The following ASS1 variants were observed in gnomAD, a reference collection of about 807,000 sequenced individuals.
ASS1 encodes argininosuccinate synthase.
In ASS1, 58 loss-of-function variants were observed where a neutral mutation model predicts 60.5. That is an observed-to-expected ratio of 0.96 (90% CI 0.78 to 1.19). The LOEUF is 1.19. Among genes scored for constraint, ASS1 ranks in the 50% most tolerant of loss-of-function variants. The pLI is 0.00. For synonymous variants in ASS1, 200 were observed against 206.9 expected, an observed-to-expected ratio of 0.97 and a Z score of 0.29; for missense variants, 454 against 547.3, an observed-to-expected ratio of 0.83 and a Z score of 1.70.
chr9:130,463,554 T>C (rs1442131662), intron 4 of ASS1, among the ~76,000 whole-genome samples: 1 of 152,152 alleles, frequency 6.6e-6, no homozygotes, highest in Non-Finnish European at 1.5e-5. Context: ...AGTTTCCCTC[T>C]CTGTGCAGAG....
intron 11 of ASS1, among the ~76,000 whole-genome samples, chr9:130,487,395 T>C (rs1264071571): frequency 1.7e-5 from 2 of 116,540 alleles, no homozygotes; most frequent in Admixed American, 2.2e-4. Flanking sequence ...CCAATATCCT[T>C]CATGGTTTTT....
At chr9:130,468,058 G>A (rs1413933564) in intron 6 of ASS1, among the ~76,000 whole-genome samples, 1 of 152,160 alleles carries the variant, frequency 6.6e-6, no homozygotes, top group Non-Finnish European at 1.5e-5. Context: ...GGCCCCCTCG[G>A]CCACCTACCC....
In ASS1 at chr9:130,494,926, C is replaced by T. The variant is rs786204537; in HGVS notation, c.1030C>T (p.Arg344Ter). The change falls in exon 13 of 15, where the codon CGA (arginine) becomes TGA (stop). Residue 344 changes from arginine (R) to a stop codon, truncating the protein, a stop_gained. Coordinates refer to ENST00000352480, the MANE Select transcript of ASS1 (RefSeq NM_054012.4). LOFTEE classifies it high-confidence loss of function. The surrounding 1 kb of genome is among the most constrained non-coding windows in gnomAD (Gnocchi z 4.3). ...CCACTGCATCGCCAAGTCCCAGGAG[C>T]GAGTGGAAGGGAAAGTGCAGGTGTC... ...VRHCIAKSQE[R>*]VEGKVQVSVL... 1.1e-5 allele frequency: 18 copies of T among 1,613,394 alleles called. No individual in the cohort carries two copies. The highest frequency in any genetic ancestry group is 3.3e-5 in the Admixed American group (2 of 59,988).
chr9:130,475,325 C>T (rs1367957782), intron 8 of ASS1, among the ~76,000 whole-genome samples: 1 of 152,154 alleles, frequency 6.6e-6, no homozygotes. Flanking sequence ...TGACATTTTC[C>T]TGTGTGTTTT....
In ASS1 at chr9:130,467,943, C is replaced by T. The variant is rs750118520; in HGVS notation, c.495+1144C>T. Among the ~76,000 whole-genome samples, 40 of 152,184 alleles carry T rather than the reference C, an allele frequency of 2.6e-4. 1 individual carries two copies. The highest frequency in any genetic ancestry group is 8.8e-5 in the Non-Finnish European group (6 of 68,040). On this transcript the variant is annotated intron_variant, in intron 6 of 14. Transcript: ENST00000352480. Reference sequence around the variant, plus strand: ...CTAGCATAGATGAGTCTCAGGAGCACACTGCTGTCCTTCCTTCTCAGGTTT... The same window carrying T: ...CTAGCATAGATGAGTCTCAGGAGCATACTGCTGTCCTTCCTTCTCAGGTTT...
At chr9:130,445,668 T>C (rs1845178706) in intron 1 of ASS1, among the ~76,000 whole-genome samples, 1 of 152,136 alleles carries the variant, frequency 6.6e-6, no homozygotes, top group South Asian at 2.1e-4. Context: ...TATTTTCTAT[T>C]CGGGCTGCTG....
intron 1 of ASS1, among the ~76,000 whole-genome samples, chr9:130,451,400 G>T (rs1845322637): frequency 6.6e-6 from 1 of 152,056 alleles, no homozygotes; most frequent in African/African-American, 2.4e-5. Context: ...CCCTCCCTGG[G>T]CCTCAGTTTC....
intron 8 of ASS1, among the ~76,000 whole-genome samples, chr9:130,474,066 C>A (rs1274490330): frequency 1.5e-4 from 17 of 112,756 alleles, no homozygotes; most frequent in African/African-American, 5.9e-4. Flanking sequence ...CCCCGCACCC[C>A]CCCCCCCCCA....
At chr9:130,462,209 C>T (rs1845614688) in intron 4 of ASS1, among the ~76,000 whole-genome samples, 1 of 152,100 alleles carries the variant, frequency 6.6e-6, no homozygotes, top group Non-Finnish European at 1.5e-5. Context: ...AGCCGGGGAG[C>T]GAGAGTTTTG....
intron 4 of ASS1, among the ~76,000 whole-genome samples, chr9:130,463,465 T>A (rs977236759): frequency 6.6e-6 from 1 of 152,166 alleles, no homozygotes; most frequent in African/African-American, 2.4e-5. Flanking sequence ...GTGGCTGTGG[T>A]GCTGGGGACC....
chr9:130,486,210 C>T (rs975531242), intron 11 of ASS1, among the ~76,000 whole-genome samples: 3 of 152,134 alleles, frequency 2.0e-5, no homozygotes, highest in African/African-American at 4.8e-5. Flanking sequence ...ATCCTCCCAC[C>T]TTGGCGTAGT....
At chr9:130,452,396 T>A in intron 2 of ASS1, 63 bp downstream of exon 2, 1 of 1,411,496 alleles carries the variant, frequency 7.1e-7, no homozygotes, top group Non-Finnish European at 1.0e-6. Flanking sequence ...GTCTGCCCCC[T>A]GCCAGCCTCT....
In ASS1 at chr9:130,491,270, A is replaced by G. The variant is rs899858041; in HGVS notation, c.970+1806A>G. 6.6e-6 allele frequency among the ~76,000 whole-genome samples: 1 copy of G among 152,068 alleles called. No individual in the cohort carries two copies. Among genetic ancestry groups the G allele is most frequent in the Non-Finnish European group, 1.5e-5 (1 of 68,010 alleles). ...ATTGCGACCCCGAAAGGAGGATTTT[A>G]GTTACAAAGTGAGAGAGTCATTAAG... is the stretch of plus-strand genomic sequence containing the variant. On this transcript the variant is annotated intron_variant, in intron 12 of 14. Coordinates refer to ENST00000352480, the MANE Select transcript of ASS1 (RefSeq NM_054012.4). The surrounding 1 kb of genome is among the most constrained non-coding windows in gnomAD (Gnocchi z 5.3).
chr9:130,479,465 G>A (rs1425608323), intron 9 of ASS1, among the ~76,000 whole-genome samples: 3 of 152,082 alleles, frequency 2.0e-5, no homozygotes, highest in Non-Finnish European at 4.4e-5. Flanking sequence ...ATGCAAAAGG[G>A]GCAAAGAGAA....
intron 6 of ASS1, 22 bp downstream of exon 6, chr9:130,466,821 AC>A: frequency 6.2e-7 from 1 of 1,611,498 alleles, no homozygotes; most frequent in Non-Finnish European, 8.5e-7. Context: ...TCTCCCCACC[AC>A]CCCCAACCTT....
At chr9:130,460,785 C>T (rs369590782) in intron 4 of ASS1, among the ~76,000 whole-genome samples, 1 of 152,100 alleles carries the variant, frequency 6.6e-6, no homozygotes, top group East Asian at 1.9e-4. Context: ...CCAGTGACTA[C>T]CCCAGCGAGA....
intron 3 of ASS1, among the ~76,000 whole-genome samples, chr9:130,455,660 T>G (rs1845432953): frequency 6.6e-6 from 1 of 152,236 alleles, no homozygotes; most frequent in South Asian, 2.1e-4. Flanking sequence ...ATGAACAGTG[T>G]CATCAGGACC....
chr9:130,454,957 T>C (rs1288075273), intron 3 of ASS1, among the ~76,000 whole-genome samples: 2 of 139,256 alleles, frequency 1.4e-5, no homozygotes, highest in East Asian at 4.8e-4. Context: ...ATCATCCATC[T>C]ATCCATCTAT....
intron 11 of ASS1, among the ~76,000 whole-genome samples, chr9:130,487,404 T>G (rs1317940536): frequency 6.6e-6 from 1 of 151,664 alleles, no homozygotes; most frequent in Non-Finnish European, 1.5e-5. Flanking sequence ...TTCATGGTTT[T>G]TTTTTTTTTT....
Sources: allele counts gnomAD v4.1 joint callset (sites outside exome capture counted in the v4.1 genomes callset), GRCh38; gene constraint gnomAD v4.1.1; non-coding constraint Gnocchi (gnomAD v3.1); transcripts MANE v1.5; gene names NCBI Gene and HGNC (gene_info 2026-07-23, HGNC 2026-07-21).